Variants in CNIH3 observed in about 807,000 individuals in gnomAD.
The protein encoded by CNIH3 is protein cornichon homolog 3.
CNIH3 carries 14 observed loss-of-function variants against 24.1 expected under a neutral mutation model. The observed-to-expected ratio is 0.58, with a 90% CI of 0.38 to 0.91. The LOEUF (loss-of-function observed/expected upper bound fraction) is 0.91. CNIH3 is among the 40% of genes least tolerant of loss of function. The probability of loss-of-function intolerance (pLI) is 0.00; values close to 1 mark genes in which losing one functional copy is unlikely to be tolerated. For synonymous variants in CNIH3, 68 were observed against 73.8 expected (o/e 0.92, Z 0.40); for missense variants, 178 against 196.8 (o/e 0.90, Z 0.57).
intron 1 of CNIH3, among the ~76,000 whole-genome samples, chr1:224,677,514 C>T (rs911702942): frequency 2.6e-5 from 4 of 152,188 alleles, no homozygotes; most frequent in African/African-American, 7.2e-5. Context: ...GCACTGCCAT[C>T]ACATCATCAG....
downstream of CNIH3, among the ~76,000 whole-genome samples, chr1:224,542,532 G>A (rs550364265): frequency 1.3e-5 from 2 of 152,294 alleles, no homozygotes; most frequent in African/African-American, 2.4e-5. Flanking sequence ...CAGCCTCATG[G>A]TAGAAAGAGA....
Position 224,730,491 on chromosome 1 carries a change from C to T in CNIH3, c.228C>T (p.Ser76=), listed in dbSNP as rs371875267. 2.6e-6 allele frequency: 4 copies of T among 1,560,548 alleles called. No individual in the cohort carries two copies. In the African/African-American group the frequency reaches 5.4e-5, roughly 21 times the overall value. Residue 76 remains serine, a synonymous_variant, in exon 4 of 6, where the codon AGC becomes AGT. Transcript: ENST00000272133. ...TGCTGCCAGAATACTCCATCCATAG[C>T]CTCTTCTGCATTATGTTCCTGTGTG... The part of the protein sequence containing the change: ...KLVLPEYSIH[S]LFCIMFLCAQ...
chr1:224,511,013 ATC>A (rs1678129611), upstream of CNIH3, among the ~76,000 whole-genome samples: 1 of 152,214 alleles, frequency 6.6e-6, no homozygotes, highest in Non-Finnish European at 1.5e-5. Context: ...CCTGAAAAAG[ATC>A]TCTGTTTATG....
upstream of CNIH3, among the ~76,000 whole-genome samples, chr1:224,612,083 C>T (rs1682726763): frequency 6.6e-6 from 1 of 152,240 alleles, no homozygotes; most frequent in East Asian, 1.9e-4. This position sits in a 1 kb window ranked among gnomAD's most constrained non-coding sequence, Gnocchi z 4.7. Flanking sequence ...TAATGGATTC[C>T]ATTTTTAAAT....
intron 3 of CNIH3, among the ~76,000 whole-genome samples, chr1:224,600,975 A>G (rs1243952236): frequency 6.6e-6 from 1 of 152,218 alleles, no homozygotes; most frequent in African/African-American, 2.4e-5. Context: ...GTCTGCAGCA[A>G]CCTCAATTCT....
chr1:224,690,481 G>A (rs1686877391), intron 3 of CNIH3, among the ~76,000 whole-genome samples: 3 of 152,166 alleles, frequency 2.0e-5, no homozygotes, highest in South Asian at 2.1e-4. Context: ...GATTACAAGC[G>A]TGATTACAGG....
chr1:224,479,083 C>T (rs1192334587), intron 1 of CNIH3, among the ~76,000 whole-genome samples: 1 of 151,868 alleles, frequency 6.6e-6, no homozygotes, highest in African/African-American at 2.4e-5. Flanking sequence ...CCTGGCCCCT[C>T]CCAAATCTGA....
At chr1:224,722,285 A>G (rs939928088) in intron 3 of CNIH3, among the ~76,000 whole-genome samples, 5 of 152,166 alleles carry the variant, frequency 3.3e-5, no homozygotes, top group African/African-American at 1.2e-4. Flanking sequence ...GTGTTTAACA[A>G]AATCACCTGG....
chr1:224,567,578 T>C (rs757295293), intron 4 of CNIH3, among the ~76,000 whole-genome samples: 14 of 152,222 alleles, frequency 9.2e-5, no homozygotes, highest in Non-Finnish European at 2.1e-4. Context: ...TTTTTTGCCA[T>C]TAAAATTACT....
At chr1:224,570,495 A>T (rs1680771137) in intron 4 of CNIH3, among the ~76,000 whole-genome samples, 1 of 152,158 alleles carries the variant, frequency 6.6e-6, no homozygotes, top group Non-Finnish European at 1.5e-5. Flanking sequence ...AAAGGACATG[A>T]TTTTGTTCTT....
At chr1:224,575,536 A>C in intron 4 of CNIH3, 1 of 482,894 alleles carries the variant, frequency 2.1e-6, no homozygotes, top group South Asian at 2.3e-5. Flanking sequence ...GTCTAGCTTG[A>C]TGTTGGATCT....
intron 4 of CNIH3, among the ~76,000 whole-genome samples, chr1:224,580,406 A>G (rs1213089503): frequency 1.3e-5 from 2 of 152,254 alleles, no homozygotes; most frequent in South Asian, 2.1e-4. Context: ...AAAAGGAGAC[A>G]TAAGCCACCG....
intron 1 of CNIH3, among the ~76,000 whole-genome samples, chr1:224,662,276 G>A (rs1032553883): frequency 6.6e-6 from 1 of 152,130 alleles, no homozygotes; most frequent in Non-Finnish European, 1.5e-5. Context: ...GATTACGTAT[G>A]AGAGCTGAGA....
At chr1:224,479,218 A>G (rs1182349922) in intron 1 of CNIH3, among the ~76,000 whole-genome samples, 1 of 136,002 alleles carries the variant, frequency 7.4e-6, no homozygotes, top group Admixed American at 8.6e-5. Flanking sequence ...CAATGGCGCA[A>G]TCTCGGCTCA....
chr1:224,661,191 C>G, intron 1 of CNIH3: 1 of 261,930 alleles, frequency 3.8e-6, no homozygotes, highest in Non-Finnish European at 8.1e-6. Context: ...CCAAGCACAG[C>G]TGCTGCTCCT....
intron 2 of CNIH3, among the ~76,000 whole-genome samples, chr1:224,532,655 T>C (rs866694463): frequency 2.6e-5 from 4 of 152,320 alleles, no homozygotes; most frequent in Non-Finnish European, 5.9e-5. Context: ...CCTAACATAG[T>C]CACAAAGTCA....
At chr1:224,474,406 A>G (rs1177865080) in intron 1 of CNIH3, among the ~76,000 whole-genome samples, 1 of 151,984 alleles carries the variant, frequency 6.6e-6, no homozygotes, top group Non-Finnish European at 1.5e-5. Flanking sequence ...AGTTTTCTTG[A>G]AACAAATGAT....
chr1:224,596,521 C>T (rs1220829901), intron 3 of CNIH3, among the ~76,000 whole-genome samples: 1 of 152,146 alleles, frequency 6.6e-6, no homozygotes, highest in Non-Finnish European at 1.5e-5. Flanking sequence ...ATTATGTAGT[C>T]CATGGATTGA....
At chr1:224,550,063 C>T (rs562575525) in intron 3 of CNIH3, among the ~76,000 whole-genome samples, 1 of 152,020 alleles carries the variant, frequency 6.6e-6, no homozygotes, top group African/African-American at 2.4e-5. Flanking sequence ...ATAATATCTA[C>T]AGTTGTTAAT....
Sources: allele counts gnomAD v4.1 joint callset (sites outside exome capture counted in the v4.1 genomes callset), GRCh38; gene constraint gnomAD v4.1.1; non-coding constraint Gnocchi (gnomAD v3.1); transcripts MANE v1.5; gene names NCBI Gene and HGNC (gene_info 2026-07-23, HGNC 2026-07-21).